FNBP4: variants seen among roughly 807,000 people sequenced by gnomAD.
FNBP4 encodes formin binding protein 4.
In FNBP4, 34 loss-of-function variants were observed where a neutral mutation model predicts 119.3. The observed-to-expected ratio is 0.28, with a 90% CI of 0.22 to 0.38. The LOEUF (loss-of-function observed/expected upper bound fraction) is 0.38, where lower values mean the gene tolerates loss of function less well. Among genes scored for constraint, FNBP4 ranks in the 10% least tolerant of loss-of-function variants. FNBP4 has a pLI of 1.00. For missense variants in FNBP4, 1,112 were observed against 1,228.9 expected, an observed-to-expected ratio of 0.90 and a Z score of 1.42; for synonymous variants, 462 against 430.6, an observed-to-expected ratio of 1.07 and a Z score of -0.90.
In FNBP4 at chr11:47,751,250, C is replaced by T. The variant is rs1232103518; in HGVS notation, c.678G>A (p.Glu226=). 2 of 1,614,092 alleles carry T rather than the reference C, an allele frequency of 1.2e-6. No individual in the cohort carries two copies. Among genetic ancestry groups the T allele is most frequent in the Non-Finnish European group, 1.7e-6 (2 of 1,180,020 alleles). ...TCCAATAATAATAACATCCCGTGTTCTCATCCCAGACTTCCTGCCAATCGC... is the reference window on the plus strand; with the variant it reads ...TCCAATAATAATAACATCCCGTGTTTTCATCCCAGACTTCCTGCCAATCGC... The part of the protein sequence containing the change: ...EMGDWQEVWD[E]NTGCYYYWNT... Residue 226 remains glutamate, a synonymous_variant, in exon 5 of 17, where the codon GAG becomes GAA. Coordinates refer to ENST00000263773, the MANE Select transcript of FNBP4 (RefSeq NM_015308.5).
chr11:47,765,586 C>A (rs1256816525), intron 1 of FNBP4, among the ~76,000 whole-genome samples: 1 of 93,534 alleles, frequency 1.1e-5, no homozygotes, highest in Non-Finnish European at 1.9e-5. Context: ...GGGGGGGCCA[C>A]TTGAGGTCAG....
chr11:47,751,164 C>T lies in FNBP4; in HGVS notation c.764G>A (p.Gly255Glu), dbSNP rs762921272. Reference sequence around the variant, plus strand: ...TTACCTGGGCTGGTAATGCTGTAATCCCTGTACCTGTGTGGCAAGATATTG... The same window carrying T: ...TTACCTGGGCTGGTAATGCTGTAATTCCTGTACCTGTGTGGCAAGATATTG... ...LPQYLATQVQ[G>E]LQHYQPSSVP... is the part of the protein sequence containing the mutation. The change falls in exon 5 of 17, where the codon GGA (glycine) becomes GAA (glutamate). Residue 255 changes from glycine (G) to glutamate (E), a missense_variant. Gly to Glu is a moderately conservative substitution (Grantham distance 98). This residue lies in a region of FNBP4 where 826 missense variants were observed against 988.8 expected (regional missense o/e 0.84). Transcript: ENST00000263773. 6.2e-7 allele frequency: 1 copy of T among 1,614,160 alleles called. No homozygotes were observed. Among genetic ancestry groups the T allele is most frequent in the East Asian group, 2.2e-5 (1 of 44,890 alleles).
At chr11:47,765,851 C>CTTTTTTTTT (rs1167976570) in intron 1 of FNBP4, among the ~76,000 whole-genome samples, 1,918 of 82,088 alleles carry the variant, frequency 0.023, 105 homozygotes, top group Non-Finnish European at 0.03. Context: ...GAGCTGGAAT[C>CTTTTTTTTT]TTTTTTTTTT....
chr11:47,766,779 C>G (rs2097648526), intron 1 of FNBP4, among the ~76,000 whole-genome samples: 1 of 152,252 alleles, frequency 6.6e-6, no homozygotes, highest in Non-Finnish European at 1.5e-5. Context: ...AAAACCGACC[C>G]GGGGCGTTTG....
At chr11:47,765,851 C>CTTTTTTTTTTTTTTTT (rs1167976570) in intron 1 of FNBP4, among the ~76,000 whole-genome samples, 3 of 82,170 alleles carry the variant, frequency 3.7e-5, no homozygotes, top group East Asian at 4.5e-4. Flanking sequence ...GAGCTGGAAT[C>CTTTTTTTTTTTTTTTT]TTTTTTTTTT....
chr11:47,766,991 C>G, intron 1 of FNBP4, 78 bp downstream of exon 1: 1 of 1,440,002 alleles, frequency 6.9e-7, no homozygotes, highest in Non-Finnish European at 9.0e-7. Flanking sequence ...GCCTCCCTCG[C>G]CGGGTCTGGC....
intron 8 of FNBP4, among the ~76,000 whole-genome samples, chr11:47,737,630 G>C (rs1004136144): frequency 6.6e-6 from 1 of 151,934 alleles, no homozygotes; most frequent in Non-Finnish European, 1.5e-5. Context: ...AGTAGAGATG[G>C]GGTTTCACCA....
Position 47,732,497 on chromosome 11 carries a change from T to C in FNBP4, c.1820+40A>G. ...TGGTGATCACAAATCATGTCTGAGATGTCAAAGGTGAAAGGTGAAAAGGGG... is the reference window on the plus strand; with the variant it reads ...TGGTGATCACAAATCATGTCTGAGACGTCAAAGGTGAAAGGTGAAAAGGGG... On this transcript the variant is annotated intron_variant, in intron 11 of 16. Coordinates refer to ENST00000263773, the MANE Select transcript of FNBP4 (RefSeq NM_015308.5). The surrounding 1 kb of genome is among the most constrained non-coding windows in gnomAD (Gnocchi z 4.2). 6.2e-7 allele frequency: 1 copy of C among 1,612,770 alleles called. No homozygotes were observed. The highest frequency in any genetic ancestry group is 1.7e-5 in the Admixed American group (1 of 59,916).
rs200283000 is a variant in FNBP4, at chr11:47,751,244, C to T, written c.684G>A (p.Thr228=). ...GDWQEVWDEN[T]GCYYYWNTQT... is the part of the protein sequence containing the mutation. Reference sequence around the variant, plus strand: ...GTGTATTCCAATAATAATAACATCCCGTGTTCTCATCCCAGACTTCCTGCC... The same window carrying T: ...GTGTATTCCAATAATAATAACATCCTGTGTTCTCATCCCAGACTTCCTGCC... Residue 228 remains threonine, a synonymous_variant, in exon 5 of 17, where the codon ACG becomes ACA. Coordinates refer to ENST00000263773, the MANE Select transcript of FNBP4 (RefSeq NM_015308.5). 8.3e-5 allele frequency: 134 copies of T among 1,613,932 alleles called. 1 individual carries two copies. In the African/African-American group the frequency reaches 1.0e-3, roughly 12 times the overall value.
intron 10 of FNBP4, among the ~76,000 whole-genome samples, chr11:47,733,487 C>T (rs1402603255): frequency 1.3e-5 from 2 of 152,110 alleles, no homozygotes; most frequent in African/African-American, 4.8e-5. Flanking sequence ...AGGCATGTGC[C>T]ACCACGCCCG....
intron 12 of FNBP4, chr11:47,725,484 C>T (rs1014763665): frequency 6.6e-6 from 1 of 152,178 alleles, no homozygotes; most frequent in African/African-American, 2.4e-5. Flanking sequence ...CACAGAGACA[C>T]AAGTTAGGGA....
intron 8 of FNBP4, among the ~76,000 whole-genome samples, chr11:47,743,117 A>T (rs908218363): frequency 1.3e-5 from 2 of 152,020 alleles, no homozygotes; most frequent in African/African-American, 4.8e-5. Flanking sequence ...TTGAACCACG[A>T]TCCATAAAAG....
In FNBP4 at chr11:47,734,986, C is replaced by A. The variant is rs1030591849; in HGVS notation, c.1582-857G>T. Among the ~76,000 whole-genome samples, 296 of 112,656 alleles carry A rather than the reference C, an allele frequency of 2.6e-3. 6 individuals are homozygous for A. The highest frequency in any genetic ancestry group is 0.012 in the East Asian group (51 of 4,144). 73.9% of individuals were successfully genotyped at this position (112,656 alleles called of 152,430 possible). A position where few individuals can be genotyped will look rare whatever the true frequency, so the allele number is the denominator to read the frequency against. On this transcript the variant is annotated intron_variant, in intron 9 of 16. Coordinates refer to ENST00000263773, the MANE Select transcript of FNBP4 (RefSeq NM_015308.5). ...GACTCCATCACCCCAACACCCCCCC[C>A]CCCAAAAAAAAAGGAAATCTAAAGC...
At chr11:47,720,384 T>C (rs1310996396) in intron 15 of FNBP4, among the ~76,000 whole-genome samples, 5 of 151,606 alleles carry the variant, frequency 3.3e-5, no homozygotes, top group Non-Finnish European at 7.4e-5. Flanking sequence ...CTGGCTAACA[T>C]GGTGAAACCC....
intron 2 of FNBP4, among the ~76,000 whole-genome samples, chr11:47,761,186 T>C (rs899964246): frequency 6.6e-6 from 1 of 152,120 alleles, no homozygotes; most frequent in African/African-American, 2.4e-5. Context: ...ATAAAATACA[T>C]ACAAAATTTA....
At chr11:47,725,927 T>C (rs2097560452) in intron 12 of FNBP4, 1 of 302,268 alleles carries the variant, frequency 3.3e-6, no homozygotes, top group South Asian at 1.3e-4. Context: ...AGGCAGGAAC[T>C]AACTTGCCCA....
chr11:47,756,346 G>A (rs1428290048), intron 2 of FNBP4, among the ~76,000 whole-genome samples: 10 of 152,016 alleles, frequency 6.6e-5, no homozygotes, highest in South Asian at 6.2e-4. Context: ...CACATTCTAC[G>A]CTCACTAAAA....
intron 7 of FNBP4, 99 bp downstream of exon 7, chr11:47,745,957 A>G (rs919541821): frequency 1.3e-5 from 15 of 1,122,110 alleles, no homozygotes; most frequent in Non-Finnish European, 1.6e-5. Context: ...ATGGGATAAG[A>G]AAAACAAAAT....
chr11:47,719,911 T>C lies in FNBP4; in HGVS notation c.2963+18A>G. The C allele has an allele frequency of 6.2e-7, 1 of 1,613,274 alleles. No homozygotes were observed. The highest frequency in any genetic ancestry group is 8.5e-7 in the Non-Finnish European group (1 of 1,179,552). On this transcript the variant is annotated intron_variant, in intron 16 of 16. Coordinates refer to ENST00000263773, the MANE Select transcript of FNBP4 (RefSeq NM_015308.5). Reference sequence around the variant, plus strand: ...CTACTCCAAAACCCCATCTCATCTGTGTTTCCTTTTCTTTTACCTAACCAG... The same window carrying C: ...CTACTCCAAAACCCCATCTCATCTGCGTTTCCTTTTCTTTTACCTAACCAG...
Sources: gnomAD v4.1 joint callset for allele counts (sites outside exome capture counted in the v4.1 genomes callset) on GRCh38, gnomAD v4.1.1 for gene constraint, gnomAD v4.1.1 regional missense constraint, Gnocchi (gnomAD v3.1) non-coding constraint, MANE v1.5 for transcripts, NCBI Gene and HGNC (gene_info 2026-07-23, HGNC 2026-07-21) for gene names.